The following BAZ2B variants were observed in gnomAD, a reference collection of about 807,000 sequenced individuals.
BAZ2B encodes the protein bromodomain adjacent to zinc finger domain protein 2B.
Under a neutral mutation model 246.0 loss-of-function variants are expected in BAZ2B, and 91 were observed. The observed-to-expected ratio is 0.37, with a 90% confidence interval of 0.31 to 0.44. The LOEUF is 0.44. Ranked by LOEUF, BAZ2B falls within the 20% of genes least tolerant of loss-of-function variation. The pLI is 1.00. For synonymous variants in BAZ2B, 855 were observed against 860.0 expected, an observed-to-expected ratio of 0.99 and a Z score of 0.10; for missense variants, 2,332 against 2,533.7, an observed-to-expected ratio of 0.92 and a Z score of 1.71.
chr2:159,551,085 T>C lies in BAZ2B; in HGVS notation c.-3+4738A>G, dbSNP rs187148523. Among the ~76,000 whole-genome samples, 39 of 152,214 alleles carry C rather than the reference T, an allele frequency of 2.6e-4. No individual in the cohort carries two copies. In the East Asian group the frequency reaches 7.4e-3, roughly 29 times the overall value. Reference sequence around the variant, plus strand: ...ACTCCAGGGCTCAAGCAATCCCCCCTGTTGGGCTCCCAAAGTGCTGGTATT... The same window carrying C: ...ACTCCAGGGCTCAAGCAATCCCCCCCGTTGGGCTCCCAAAGTGCTGGTATT... On this transcript the variant is annotated intron_variant, in intron 2 of 36. Coordinates refer to ENST00000392783, the MANE Select transcript of BAZ2B (RefSeq NM_013450.4).
chr2:159,614,266 G>C (rs1695358375), intron 1 of BAZ2B, among the ~76,000 whole-genome samples: 1 of 150,278 alleles, frequency 6.7e-6, no homozygotes, highest in African/African-American at 2.4e-5. Flanking sequence ...AACAGTGCTA[G>C]TTTTTGTTTA....
chr2:159,588,098 G>A (rs1490191146), intron 1 of BAZ2B, among the ~76,000 whole-genome samples: 1 of 151,652 alleles, frequency 6.6e-6, no homozygotes, highest in Non-Finnish European at 1.5e-5. Context: ...GGAGGCTAAG[G>A]CAGAAGGATA....
intron 1 of BAZ2B, among the ~76,000 whole-genome samples, chr2:159,612,020 T>C (rs996943544): frequency 5.9e-5 from 9 of 152,014 alleles, no homozygotes; most frequent in African/African-American, 2.2e-4. Flanking sequence ...ACATATTTAG[T>C]ATCACACATT....
chr2:159,345,757 C>T (rs3771684), intron 31 of BAZ2B, among the ~76,000 whole-genome samples: 13,966 of 152,212 alleles, frequency 0.092, 818 homozygotes, highest in African/African-American at 0.17. Context: ...TATCAACTGA[C>T]AAACTGAGAG....
At chr2:159,594,265 G>C (rs746105889) in intron 1 of BAZ2B, among the ~76,000 whole-genome samples, 1 of 152,178 alleles carries the variant, frequency 6.6e-6, no homozygotes, top group African/African-American at 2.4e-5. Flanking sequence ...AAATCAGCCA[G>C]GCGTGGTAGC....
intron 2 of BAZ2B, among the ~76,000 whole-genome samples, chr2:159,529,136 TA>T (rs970677418): frequency 1.6e-4 from 25 of 152,048 alleles, no homozygotes; most frequent in African/African-American, 5.1e-4. Context: ...AAAATATACA[TA>T]AAAAAATAAA....
chr2:159,435,195 T>C (rs2071978642), intron 8 of BAZ2B: 1 of 151,694 alleles, frequency 6.6e-6, no homozygotes, highest in Non-Finnish European at 1.5e-5. Flanking sequence ...CTTATAAATA[T>C]TTTATTATTA....
intron 13 of BAZ2B, among the ~76,000 whole-genome samples, chr2:159,424,830 A>G (rs796126016): frequency 2.0e-5 from 3 of 152,354 alleles, no homozygotes; most frequent in African/African-American, 7.2e-5. Context: ...TGTAAATGTT[A>G]TGCAAATAGT....
intron 18 of BAZ2B, 92 bp from the exon 19 acceptor site, chr2:159,397,481 T>C (rs2064211258): frequency 1.3e-6 from 1 of 785,914 alleles, no homozygotes; most frequent in East Asian, 2.8e-5. Flanking sequence ...GATTCTATAG[T>C]TTTTCATTAG....
chr2:159,702,020 G>A, the BAZ2B span, among the ~76,000 whole-genome samples: 5 of 152,070 alleles, frequency 3.3e-5, no homozygotes, highest in Non-Finnish European at 7.4e-5. Flanking sequence ...GAACCACTGC[G>A]CCAGGCCATT....
chr2:159,439,310 A>AG, intron 6 of BAZ2B, 98 bp from the exon 7 acceptor site: 1 of 1,059,334 alleles, frequency 9.4e-7, no homozygotes, highest in Non-Finnish European at 1.4e-6. Flanking sequence ...TGATATTTTC[A>AG]ATCTCAAAAT....
At chr2:159,436,643 C>G (rs144731252) in intron 8 of BAZ2B, among the ~76,000 whole-genome samples, 1 of 152,010 alleles carries the variant, frequency 6.6e-6, no homozygotes, top group Non-Finnish European at 1.5e-5. Flanking sequence ...CCCAGCTACT[C>G]GGGAGGCTGA....
At chr2:159,590,229 AAAC>A (rs1282093483) in intron 1 of BAZ2B, among the ~76,000 whole-genome samples, 42 of 110,088 alleles carry the variant, frequency 3.8e-4, no homozygotes, top group African/African-American at 1.1e-3. Context: ...AAAAAAAAAA[AAAC>A]AACCCAGCAA....
At chr2:159,501,625 C>G (rs1318292083) in intron 2 of BAZ2B, among the ~76,000 whole-genome samples, 1 of 151,996 alleles carries the variant, frequency 6.6e-6, no homozygotes, top group Non-Finnish European at 1.5e-5. Flanking sequence ...TTTCTGATTA[C>G]TAAAATTAAT....
chr2:159,615,806 G>C (rs1695925562), intron 1 of BAZ2B: 1 of 152,474 alleles, frequency 6.6e-6, no homozygotes, highest in Admixed American at 6.5e-5. Context: ...GGAAGGAGAC[G>C]CGAAGCCAGG....
chr2:159,601,428 G>GAA lies in BAZ2B; in HGVS notation c.-46+14812_-46+14813dup, dbSNP rs11379463. ...GACAGAGTGATACCCTGTCTCAAAA[G>GAA]AAAAAAAAAAAAGGCTGGGTGCGGT... On this transcript the variant is annotated intron_variant, in intron 1 of 36. Coordinates refer to ENST00000392783, the MANE Select transcript of BAZ2B (RefSeq NM_013450.4). 7.8e-3 allele frequency among the ~76,000 whole-genome samples: 1,137 copies of GAA among 146,284 alleles called. 11 individuals carry two copies. Among genetic ancestry groups the GAA allele is most frequent in the African/African-American group, 0.024 (965 of 39,912 alleles).
the BAZ2B span, among the ~76,000 whole-genome samples, chr2:159,686,839 G>C: frequency 6.6e-6 from 1 of 151,954 alleles, no homozygotes; most frequent in Non-Finnish European, 1.5e-5. Flanking sequence ...TCAGGAGATC[G>C]AGACCACCCT....
chr2:159,395,657 C>G, intron 20 of BAZ2B, 112 bp downstream of exon 20: 1 of 950,664 alleles, frequency 1.1e-6, no homozygotes, highest in South Asian at 2.1e-5. Context: ...CATATGAAAA[C>G]CAGTAAATCA....
chr2:159,688,279 C>T, the BAZ2B span, among the ~76,000 whole-genome samples: 2 of 152,118 alleles, frequency 1.3e-5, no homozygotes, highest in Non-Finnish European at 2.9e-5. Flanking sequence ...TAAGCTCAAG[C>T]AGCTTCCCAA....
Sources: allele counts gnomAD v4.1 joint callset (sites outside exome capture counted in the v4.1 genomes callset), GRCh38; gene constraint gnomAD v4.1.1; transcripts MANE v1.5; gene names NCBI Gene and HGNC (gene_info 2026-07-23, HGNC 2026-07-21).